Variants in GOLM1 observed in about 807,000 individuals in gnomAD.
GOLM1 encodes golgi membrane protein 1.
A neutral mutation model predicts 50.5 loss-of-function variants in GOLM1; 31 were observed. The observed-to-expected ratio is 0.61, with a 90% CI of 0.46 to 0.83. The LOEUF (loss-of-function observed/expected upper bound fraction) is 0.83. GOLM1 is among the 40% of genes least tolerant of loss of function. GOLM1 has a pLI of 0.00. For missense variants in GOLM1, 491 were observed against 501.3 expected, an observed-to-expected ratio of 0.98 and a Z score of 0.20; for synonymous variants, 178 against 192.8, an observed-to-expected ratio of 0.92 and a Z score of 0.64.
chr9:86,094,485 T>G (rs1056450056), intron 1 of GOLM1, among the ~76,000 whole-genome samples: 8 of 152,242 alleles, frequency 5.3e-5, no homozygotes, highest in African/African-American at 1.9e-4. Context: ...TGCTAGAAGC[T>G]GACAGTGTCT....
At position 86,088,506 on chromosome 9, in the gene GOLM1, A is replaced by G. The variant is rs1426236675; in HGVS notation, c.-21-9165T>C. Among the ~76,000 whole-genome samples the G allele has an allele frequency of 2.8e-5, 4 of 141,126 alleles. No homozygotes were observed. The East Asian group carries it at 8.4e-4, about 30-fold the overall frequency. The allele number at this position is 141,126 out of a possible 152,430, so 92.6% of individuals were successfully genotyped here. A position where few individuals can be genotyped will look rare whatever the true frequency, so the allele number is the denominator to read the frequency against. ...TGCATTGATTCCTTTACCATTATGTAATGCCCTTTTTAAATCTTTGTTGGT... is the reference window on the plus strand; with the variant it reads ...TGCATTGATTCCTTTACCATTATGTGATGCCCTTTTTAAATCTTTGTTGGT... On this transcript the variant is annotated intron_variant, in intron 1 of 9. Coordinates refer to ENST00000388712, the MANE Select transcript of GOLM1 (RefSeq NM_016548.4).
At chr9:86,083,090 GC>G (rs1834835265) in intron 1 of GOLM1, among the ~76,000 whole-genome samples, 1 of 152,108 alleles carries the variant, frequency 6.6e-6, no homozygotes, top group Non-Finnish European at 1.5e-5. Flanking sequence ...TTCCAACAAT[GC>G]TACCATAAAC....
chr9:86,082,004 G>GC (rs1834796527), intron 1 of GOLM1, among the ~76,000 whole-genome samples: 1 of 148,748 alleles, frequency 6.7e-6, no homozygotes, highest in Non-Finnish European at 1.5e-5. Context: ...CACTCAAGGG[G>GC]CATCAGCATC....
chr9:86,033,231 G>A (rs749993124), intron 9 of GOLM1, 51 bp downstream of exon 9: 3 of 997,620 alleles, frequency 3.0e-6, no homozygotes, highest in Non-Finnish European at 4.8e-6. Context: ...TGAAGGACCA[G>A]GAAAGAGAAA....
At chr9:86,064,577 A>G (rs965331585) in intron 3 of GOLM1, among the ~76,000 whole-genome samples, 3 of 152,122 alleles carry the variant, frequency 2.0e-5, no homozygotes, top group Non-Finnish European at 2.9e-5. Context: ...CCACATGGCC[A>G]GGGCCTGCCT....
chr9:86,032,312 C>T (rs1303194551), intron 9 of GOLM1, among the ~76,000 whole-genome samples: 1 of 152,012 alleles, frequency 6.6e-6, no homozygotes, highest in Non-Finnish European at 1.5e-5. Flanking sequence ...GGACTACAGG[C>T]GCCCACCACC....
At chr9:86,078,810 G>A (rs1815156192) in intron 2 of GOLM1, among the ~76,000 whole-genome samples, 1 of 152,170 alleles carries the variant, frequency 6.6e-6, no homozygotes. Flanking sequence ...CATCATCCAA[G>A]CACACTTCCA....
chr9:86,036,912 T>C (rs1221228336), intron 6 of GOLM1: 1 of 173,856 alleles, frequency 5.8e-6, no homozygotes, highest in African/African-American at 2.4e-5. Flanking sequence ...CACACAATAT[T>C]TTCCAGGATG....
At chr9:86,037,285 G>A (rs867610085) in intron 6 of GOLM1, among the ~76,000 whole-genome samples, 7 of 152,070 alleles carry the variant, frequency 4.6e-5, no homozygotes, top group Non-Finnish European at 4.4e-5. Flanking sequence ...TGTGGTGGCA[G>A]GCACCTGTGA....
intron 5 of GOLM1, among the ~76,000 whole-genome samples, chr9:86,045,095 G>T (rs956607905): frequency 6.6e-6 from 1 of 152,108 alleles, no homozygotes; most frequent in Non-Finnish European, 1.5e-5. Context: ...TTGTGGCTGG[G>T]TGCGGTGACT....
chr9:86,097,669 G>C (rs1244092254), intron 1 of GOLM1, among the ~76,000 whole-genome samples: 1 of 152,132 alleles, frequency 6.6e-6, no homozygotes, highest in Non-Finnish European at 1.5e-5. Flanking sequence ...CCTGCCTAAA[G>C]TGATGCTCCA....
chr9:86,062,621 T>G (rs1161513419), intron 3 of GOLM1, among the ~76,000 whole-genome samples: 8 of 120,882 alleles, frequency 6.6e-5, no homozygotes, highest in Admixed American at 1.9e-4. Flanking sequence ...AAGAGGAGGA[T>G]GGAGGGAGGA....
intron 1 of GOLM1, among the ~76,000 whole-genome samples, chr9:86,085,435 A>G (rs1164392313): frequency 8.8e-6 from 1 of 114,258 alleles, no homozygotes; most frequent in Non-Finnish European, 1.9e-5. Context: ...CTTTACAGAA[A>G]TTTTGCCCAA....
intron 3 of GOLM1, among the ~76,000 whole-genome samples, chr9:86,055,911 C>A (rs566369893): frequency 3.3e-5 from 5 of 152,130 alleles, no homozygotes; most frequent in Admixed American, 3.3e-4. Flanking sequence ...ACTGAAATTT[C>A]CACCTTGCAT....
rs77357409 is a variant in GOLM1 at position 86,071,868 on chromosome 9, G to A, written c.309+5544C>T. Reference sequence around the variant, plus strand: ...AACCCCCAGGTGCCTGAGCAGCACTGTATGAGTATACTCACTGTACCTTCT... The same window carrying A: ...AACCCCCAGGTGCCTGAGCAGCACTATATGAGTATACTCACTGTACCTTCT... On this transcript the variant is annotated intron_variant, in intron 3 of 9. Coordinates refer to ENST00000388712, the MANE Select transcript of GOLM1 (RefSeq NM_016548.4). 1.7e-3 allele frequency among the ~76,000 whole-genome samples: 260 copies of A among 152,288 alleles called. 2 individuals are homozygous for A. The East Asian group carries it at 0.027, about 16-fold the overall frequency.
At chr9:86,088,192 A>C (rs1670097715) in intron 1 of GOLM1, among the ~76,000 whole-genome samples, 1 of 151,756 alleles carries the variant, frequency 6.6e-6, no homozygotes, top group Non-Finnish European at 1.5e-5. Context: ...CCAGGAATTT[A>C]TCCATTTCTT....
chr9:86,051,589 C>A (rs1035915378), intron 4 of GOLM1, among the ~76,000 whole-genome samples: 1 of 152,140 alleles, frequency 6.6e-6, no homozygotes, highest in Non-Finnish European at 1.5e-5. Context: ...CATGGCAGAC[C>A]AGAGGCTGCC....
chr9:86,053,694 C>T lies in GOLM1; in HGVS notation c.310-1103G>A, dbSNP rs1833892017. ...ACGGCACACCACTCCACACACACCA[C>T]ACACATCACATACCCCACCGCATCA... On this transcript the variant is annotated intron_variant, in intron 3 of 9. Coordinates refer to ENST00000388712, the MANE Select transcript of GOLM1 (RefSeq NM_016548.4). 2.5e-5 allele frequency among the ~76,000 whole-genome samples: 3 copies of T among 119,742 alleles called. 1 individual carries two copies. Among genetic ancestry groups the T allele is most frequent in the Non-Finnish European group, 6.1e-5 (3 of 49,546 alleles). 78.6% of individuals were successfully genotyped at this position (119,742 alleles called of 152,430 possible).
rs770455849 is a variant in GOLM1, at chr9:86,027,769, A to T, written c.*48T>A. ...GTATTCAGTCCCTCATGAACATTTT[A>T]TAGTCATCTCTTCGGCCCTGTTGTG... On this transcript the variant is annotated 3_prime_UTR_variant, in exon 10 of 10. Transcript: ENST00000388712. The T allele has an allele frequency of 1.0e-5, 16 of 1,594,684 alleles. No individual in the cohort carries two copies. The highest frequency in any genetic ancestry group is 9.4e-6 in the Non-Finnish European group (11 of 1,171,224).
Sources: gnomAD v4.1 joint callset for allele counts (sites outside exome capture counted in the v4.1 genomes callset) on GRCh38, gnomAD v4.1.1 for gene constraint, MANE v1.5 for transcripts, NCBI Gene and HGNC (gene_info 2026-07-23, HGNC 2026-07-21) for gene names.